The following DYNC2I2 variants were observed in gnomAD, a reference collection of about 807,000 sequenced individuals.
DYNC2I2 encodes the protein cytoplasmic dynein 2 intermediate chain 2.
DYNC2I2 carries 39 observed loss-of-function variants against 52.0 expected under a neutral mutation model. That is an observed-to-expected ratio of 0.75 (90% CI 0.58 to 0.98). The LOEUF (loss-of-function observed/expected upper bound fraction) is 0.98, where lower values mean the gene tolerates loss of function less well. DYNC2I2 is among the 50% of genes least tolerant of loss of function. The probability of loss-of-function intolerance (pLI) is 0.00; values close to 1 mark genes in which losing one functional copy is unlikely to be tolerated. For missense variants in DYNC2I2, 743 were observed against 728.4 expected (o/e 1.02, Z -0.23); for synonymous variants, 359 against 321.1 (o/e 1.12, Z -1.26).
At position 128,633,816 on chromosome 9, in the gene DYNC2I2, GCT is replaced by G; in HGVS notation, c.1537_1538del (p.Ser513HisfsTer12). 6.2e-7 allele frequency: 1 copy of G among 1,613,558 alleles called. No homozygotes were observed. Among genetic ancestry groups the G allele is most frequent in the Non-Finnish European group, 8.5e-7 (1 of 1,180,032 alleles). On this transcript the variant is annotated frameshift_variant, in exon 9 of 9. Coordinates refer to ENST00000372715, the MANE Select transcript of DYNC2I2 (RefSeq NM_052844.4). LOFTEE classifies it high-confidence loss of function. Reference protein sequence around the residue: ...AQGTVKVWQLSTEFTEQGPRE... With the variant: ...AQGTVKVWQLXTEFTEQGPRE... ...GGGGCCCTTGTTCCGTGAACTCTGT[GCT>G]CAGCTGCCACACCTTCACTGTGCCC... is the stretch of plus-strand genomic sequence containing the variant.
the DYNC2I2 span, among the ~76,000 whole-genome samples, chr9:128,679,898 T>C: frequency 6.6e-6 from 1 of 152,042 alleles, no homozygotes; most frequent in Non-Finnish European, 1.5e-5. Flanking sequence ...AAACCTAAGA[T>C]TCATGAATGA....
chr9:128,658,931 G>A (rs550048196), upstream of DYNC2I2, among the ~76,000 whole-genome samples: 5 of 151,486 alleles, frequency 3.3e-5, no homozygotes, highest in South Asian at 2.1e-4. Context: ...GGGTCTCCCC[G>A]TGTTGCCCAG....
At chr9:128,670,901 C>T in the DYNC2I2 span, among the ~76,000 whole-genome samples, 1 of 151,452 alleles carries the variant, frequency 6.6e-6, no homozygotes, top group Admixed American at 6.6e-5. Flanking sequence ...AACCCCGTCT[C>T]TACTAAAAAT....
chr9:128,642,699 G>T (rs1860541032), intron 1 of DYNC2I2, among the ~76,000 whole-genome samples: 1 of 151,972 alleles, frequency 6.6e-6, no homozygotes, highest in South Asian at 2.1e-4. Flanking sequence ...AGCTTACAGT[G>T]AGCCGAGATT....
rs1860713579 is a variant in DYNC2I2 at position 128,651,572 on chromosome 9, G to A, written c.186+4969C>T. Reference sequence around the variant, plus strand: ...GGACCTTGCCAAACTATCAGGAGATGAGAAGCACACCTTGGAGAGCCACAA... The same window carrying A: ...GGACCTTGCCAAACTATCAGGAGATAAGAAGCACACCTTGGAGAGCCACAA... On this transcript the variant is annotated intron_variant, in intron 1 of 8. Coordinates refer to ENST00000372715, the MANE Select transcript of DYNC2I2 (RefSeq NM_052844.4). 2 of 56,166 alleles carry A rather than the reference G, an allele frequency of 3.6e-5. 1 individual carries two copies. Among genetic ancestry groups the A allele is most frequent in the African/African-American group, 7.1e-5 (2 of 28,084 alleles). The allele number at this position is 56,166 out of a possible 1,614,324, so 3.5% of individuals were successfully genotyped here.
In DYNC2I2 at chr9:128,639,340, G is replaced by C. The variant is rs140094396; in HGVS notation, c.435+1351C>G. 3.9e-3 allele frequency among the ~76,000 whole-genome samples: 594 copies of C among 152,156 alleles called. 27 individuals carry two copies. The East Asian group carries it at 0.096, about 25-fold the overall frequency. ...TTGGACCCGGGAGGCAGAGGTTGCA[G>C]TGAGCCAAGATCATGCCACTGCACT... is the stretch of plus-strand genomic sequence containing the variant. On this transcript the variant is annotated intron_variant, in intron 2 of 8. Coordinates refer to ENST00000372715, the MANE Select transcript of DYNC2I2 (RefSeq NM_052844.4).
Position 128,640,906 on chromosome 9 carries a change from TGGCAGTGGCAATGCTGG to T in DYNC2I2, c.203_219del (p.Ala68GlufsTer31). On this transcript the variant is annotated frameshift_variant, in exon 2 of 9. Coordinates refer to ENST00000372715, the MANE Select transcript of DYNC2I2 (RefSeq NM_052844.4). LOFTEE classifies it high-confidence loss of function. ...TGATTCCTGGCCTGGGCGGATGCAC[TGGCAGTGGCAATGCTGG>T]CCGTCTGGCAACTTTTCTGGGGGGA... 1 of 1,603,568 alleles carries T rather than the reference TGGCAGTGGCAATGCTGG, an allele frequency of 6.2e-7. No homozygotes were observed. The highest frequency in any genetic ancestry group is 2.2e-5 in the East Asian group (1 of 44,680).
chr9:128,641,986 C>CA (rs912966754), intron 1 of DYNC2I2, among the ~76,000 whole-genome samples: 2 of 151,474 alleles, frequency 1.3e-5, no homozygotes, highest in African/African-American at 4.8e-5. Flanking sequence ...TACACACACA[C>CA]ACACACACAC....
At chr9:128,662,591 T>G in the DYNC2I2 span, among the ~76,000 whole-genome samples, 2 of 151,810 alleles carry the variant, frequency 1.3e-5, no homozygotes, top group African/African-American at 4.8e-5. Flanking sequence ...ATTTATTTAT[T>G]TTTTTGCAGG....
intron 1 of DYNC2I2, among the ~76,000 whole-genome samples, chr9:128,643,600 G>A (rs1023401197): frequency 1.3e-5 from 2 of 152,048 alleles, no homozygotes; most frequent in Admixed American, 1.3e-4. Context: ...GCTAAAGTGT[G>A]AAGATTGCTT....
chr9:128,667,794 G>A, the DYNC2I2 span, among the ~76,000 whole-genome samples: 38 of 143,492 alleles, frequency 2.6e-4, no homozygotes, highest in East Asian at 4.4e-4. Flanking sequence ...GTGCAGTGGC[G>A]CAATCTTGGT....
chr9:128,668,183 T>C, the DYNC2I2 span, among the ~76,000 whole-genome samples: 26 of 151,842 alleles, frequency 1.7e-4, no homozygotes, highest in Non-Finnish European at 1.3e-4. Flanking sequence ...ATGGTCTTGA[T>C]CTCCTGACCT....
intron 1 of DYNC2I2, among the ~76,000 whole-genome samples, chr9:128,645,908 T>C (rs1467865981): frequency 2.0e-5 from 3 of 152,222 alleles, no homozygotes; most frequent in Non-Finnish European, 4.4e-5. Context: ...GGATAAAGTT[T>C]AGTGGCTTGG....
chr9:128,638,622 CAT>C lies in DYNC2I2; in HGVS notation c.436-1597_436-1596del, dbSNP rs1564340472. The stretch of plus-strand genomic sequence containing the variant: ...AGCCACACCCCGCGCACTGCTGCAG[CAT>C]GTGCAAGAGGTGCCTCTGCTGTGGA... On this transcript the variant is annotated intron_variant, in intron 2 of 8. Transcript: ENST00000372715. Among the ~76,000 whole-genome samples the C allele has an allele frequency of 1.5e-3, 221 of 152,332 alleles. 1 individual carries two copies. Among genetic ancestry groups the C allele is most frequent in the African/African-American group, 5.1e-3 (213 of 41,586 alleles).
intron 1 of DYNC2I2, among the ~76,000 whole-genome samples, chr9:128,654,324 G>A (rs1860775996): frequency 6.6e-6 from 1 of 152,154 alleles, no homozygotes; most frequent in African/African-American, 2.4e-5. Context: ...GCAGGTTCAT[G>A]CAGCAAGCTA....
At chr9:128,681,407 T>C in the DYNC2I2 span, among the ~76,000 whole-genome samples, 1 of 152,242 alleles carries the variant, frequency 6.6e-6, no homozygotes, top group African/African-American at 2.4e-5. Flanking sequence ...TTTTCATTGC[T>C]TTGTAACTTT....
At chr9:128,666,313 T>C in the DYNC2I2 span, among the ~76,000 whole-genome samples, 6 of 134,220 alleles carry the variant, frequency 4.5e-5, no homozygotes, top group Admixed American at 8.4e-5. Context: ...ACCTGGGAGG[T>C]GGAGGTTGCA....
At chr9:128,637,103 G>A (rs1860430438) in intron 2 of DYNC2I2, 76 bp from the exon 3 acceptor site, 2 of 1,045,124 alleles carry the variant, frequency 1.9e-6, no homozygotes, top group South Asian at 2.7e-5. Context: ...ACCCCACCTA[G>A]GCCAGGCCAC....
rs587777097 is a variant in DYNC2I2, at chr9:128,636,991, G to A, written c.472C>T (p.Gln158Ter). ...CLYTLGYPPA[Q>*]AQGLHVTSIS... ...CTGGTCACATGCAGACCCTGCGCTT[G>A]GGCTGGCGGGTAGCCCAGGGTATAC... The change falls in exon 3 of 9, where the codon CAA becomes TAA. Residue 158 changes from glutamine (Q) to a stop codon, truncating the protein, a stop_gained. Coordinates refer to ENST00000372715, the MANE Select transcript of DYNC2I2 (RefSeq NM_052844.4). LOFTEE classifies it high-confidence loss of function. The A allele has an allele frequency of 1.4e-5, 22 of 1,613,322 alleles. No homozygotes were observed. The highest frequency in any genetic ancestry group is 1.8e-5 in the Non-Finnish European group (21 of 1,180,008).
Sources: gnomAD v4.1 joint callset for allele counts (sites outside exome capture counted in the v4.1 genomes callset) on GRCh38, gnomAD v4.1.1 for gene constraint, MANE v1.5 for transcripts, NCBI Gene and HGNC (gene_info 2026-07-23, HGNC 2026-07-21) for gene names.